The following TRIQK variants were observed in gnomAD, a reference collection of about 807,000 sequenced individuals.
The protein encoded by TRIQK is triple QxxK/R motif-containing protein.
In TRIQK, 10 loss-of-function variants were observed where a neutral mutation model predicts 10.8. That is an observed-to-expected ratio of 0.92 (90% CI 0.57 to 1.57). The LOEUF (loss-of-function observed/expected upper bound fraction) is 1.57. Among genes scored for constraint, TRIQK ranks in the 40% most tolerant of loss-of-function variants. The pLI is 0.00. For synonymous variants in TRIQK, 33 were observed against 33.7 expected (o/e 0.98, Z 0.07); for missense variants, 107 against 97.7 (o/e 1.09, Z -0.40).
intron 3 of TRIQK, 56 bp from the exon 4 acceptor site, chr8:92,892,130 A>G: frequency 1.7e-6 from 2 of 1,169,442 alleles, no homozygotes; most frequent in Non-Finnish European, 2.4e-6. Context: ...TAAGTTTAAC[A>G]ATCATTTGAA....
upstream of TRIQK, among the ~76,000 whole-genome samples, chr8:92,970,825 C>T (rs1470025700): frequency 6.6e-6 from 1 of 151,950 alleles, no homozygotes; most frequent in Non-Finnish European, 1.5e-5. Context: ...TCAATTTTTG[C>T]TTTTGTTGCA....
At chr8:93,002,844 C>T (rs896718474) in intron 1 of TRIQK, among the ~76,000 whole-genome samples, 1 of 151,270 alleles carries the variant, frequency 6.6e-6, no homozygotes, top group Non-Finnish European at 1.5e-5. Context: ...CACTTGAACC[C>T]GGAAGGCAGA....
At chr8:92,894,480 T>C (rs1248126602) in intron 3 of TRIQK, among the ~76,000 whole-genome samples, 1 of 152,100 alleles carries the variant, frequency 6.6e-6, no homozygotes, top group African/African-American at 2.4e-5. Context: ...ATAATCTAGA[T>C]TTTATATGTA....
chr8:92,943,217 G>T (rs1308247105), intron 2 of TRIQK, among the ~76,000 whole-genome samples: 4 of 152,066 alleles, frequency 2.6e-5, no homozygotes, highest in African/African-American at 9.7e-5. Flanking sequence ...TGAATTGGAA[G>T]AATCACTATT....
rs568169719 is a variant in TRIQK at position 92,958,160 on chromosome 8, T to C, written c.-180-3596A>G. Among the ~76,000 whole-genome samples, 4 of 152,108 alleles carry C rather than the reference T, an allele frequency of 2.6e-5. No individual in the cohort carries two copies. In the East Asian group the frequency reaches 7.7e-4, roughly 29 times the overall value. ...ACTGCCTCAACTCTAGCCACTTTTC[T>C]CTAGATTAGGCCCCAATCACTAAAC... On this transcript the variant is annotated intron_variant, in intron 1 of 4. Coordinates refer to ENST00000521988, the MANE Select transcript of TRIQK (RefSeq NM_001171797.2).
intron 1 of TRIQK, among the ~76,000 whole-genome samples, chr8:93,007,100 C>T (rs1369212517): frequency 6.6e-6 from 1 of 150,630 alleles, no homozygotes; most frequent in Non-Finnish European, 1.5e-5. Flanking sequence ...GGATATTTCC[C>T]ACTGGCATCA....
chr8:92,946,916 C>T (rs1425463800), intron 2 of TRIQK, among the ~76,000 whole-genome samples: 2 of 151,802 alleles, frequency 1.3e-5, no homozygotes, highest in Admixed American at 6.6e-5. Context: ...CCTGCCACCA[C>T]GCCTGGCTAA....
chr8:92,886,503 G>A lies in TRIQK; in HGVS notation c.*119C>T. ...TGCAACTATCAAAAATCATATGTCTGCAAACTGAAAATATTAGCAGAAAGA... is the reference window on the plus strand; with the variant it reads ...TGCAACTATCAAAAATCATATGTCTACAAACTGAAAATATTAGCAGAAAGA... On this transcript the variant is annotated 3_prime_UTR_variant, in exon 5 of 5. Coordinates refer to ENST00000521988, the MANE Select transcript of TRIQK (RefSeq NM_001171797.2). 1 of 633,442 alleles carries A rather than the reference G, an allele frequency of 1.6e-6. No individual in the cohort carries two copies. 39.2% of individuals were successfully genotyped at this position (633,442 alleles called of 1,614,324 possible).
At chr8:92,976,214 A>G (rs1486710443) in intron 1 of TRIQK, among the ~76,000 whole-genome samples, 1 of 151,942 alleles carries the variant, frequency 6.6e-6, no homozygotes, top group Non-Finnish European at 1.5e-5. Context: ...TCTACTGATT[A>G]TGTCTACTTG....
chr8:92,904,307 G>A (rs987980768), intron 3 of TRIQK, among the ~76,000 whole-genome samples: 13 of 152,080 alleles, frequency 8.5e-5, no homozygotes, highest in Non-Finnish European at 1.5e-5. Flanking sequence ...TGAGTGTGAA[G>A]TAGAACTATT....
At chr8:93,013,269 G>T (rs1813354472) in intron 1 of TRIQK, among the ~76,000 whole-genome samples, 1 of 152,022 alleles carries the variant, frequency 6.6e-6, no homozygotes, top group African/African-American at 2.4e-5. Context: ...TTGACTATTT[G>T]GATTGACTCT....
chr8:92,994,466 A>C (rs943491282), intron 1 of TRIQK, among the ~76,000 whole-genome samples: 39 of 152,014 alleles, frequency 2.6e-4, no homozygotes, highest in African/African-American at 9.4e-4. Flanking sequence ...TCCAAGGCTG[A>C]CAACTGCTGC....
At chr8:92,895,120 T>C (rs752095698) in intron 3 of TRIQK, among the ~76,000 whole-genome samples, 1 of 152,204 alleles carries the variant, frequency 6.6e-6, no homozygotes, top group African/African-American at 2.4e-5. Flanking sequence ...AATACAAAGA[T>C]AAATTCAGTT....
chr8:92,972,421 T>C (rs1418985462), intron 1 of TRIQK, among the ~76,000 whole-genome samples: 1 of 152,202 alleles, frequency 6.6e-6, no homozygotes, highest in East Asian at 1.9e-4. Flanking sequence ...GCTATATTCT[T>C]TTTGTTATTT....
In TRIQK at chr8:92,914,408, T is replaced by C. The variant is rs76319419; in HGVS notation, c.61+2521A>G. 7.1e-3 allele frequency among the ~76,000 whole-genome samples: 1,074 copies of C among 152,308 alleles called. 11 individuals are homozygous for C. The highest frequency in any genetic ancestry group is 0.024 in the African/African-American group (1,015 of 41,572). The stretch of plus-strand genomic sequence containing the variant: ...AGACTAAATTAAACTAAAAATCTTC[T>C]GCATGGCATAAGGAGCAATGAACAA... On this transcript the variant is annotated intron_variant, in intron 3 of 4. Transcript: ENST00000521988.
chr8:92,913,133 G>A (rs1563627611), intron 3 of TRIQK, among the ~76,000 whole-genome samples: 2 of 152,068 alleles, frequency 1.3e-5, no homozygotes, highest in African/African-American at 4.8e-5. Flanking sequence ...TTATCCCTGG[G>A]CTATAAGGAT....
At chr8:92,992,018 TG>T (rs1305897539) in intron 1 of TRIQK, among the ~76,000 whole-genome samples, 2 of 152,042 alleles carry the variant, frequency 1.3e-5, no homozygotes, top group African/African-American at 4.8e-5. Flanking sequence ...CACAAACAAA[TG>T]GAAGAACTGC....
intron 2 of TRIQK, among the ~76,000 whole-genome samples, chr8:92,949,631 G>A (rs1229296675): frequency 2.9e-5 from 4 of 139,514 alleles, no homozygotes; most frequent in Non-Finnish European, 4.6e-5. Context: ...GAGGGAGGAA[G>A]GAAGGAAGAA....
intron 4 of TRIQK, among the ~76,000 whole-genome samples, chr8:92,888,915 T>C (rs1301650133): frequency 2.0e-5 from 3 of 151,620 alleles, no homozygotes; most frequent in South Asian, 2.1e-4. Flanking sequence ...AACCGGTATT[T>C]GCATTCTGAA....
Sources: gnomAD v4.1 joint callset for allele counts (sites outside exome capture counted in the v4.1 genomes callset) on GRCh38, gnomAD v4.1.1 for gene constraint, MANE v1.5 for transcripts, NCBI Gene and HGNC (gene_info 2026-07-23, HGNC 2026-07-21) for gene names.